The following ZNF831 variants were observed in gnomAD, a reference collection of about 807,000 sequenced individuals.
The protein encoded by ZNF831 is chromosome 20 open reading frame 174.
Under a neutral mutation model 95.8 loss-of-function variants are expected in ZNF831, and 59 were observed. That is an observed-to-expected ratio of 0.62 (90% CI 0.50 to 0.77). ZNF831 has a LOEUF of 0.77. ZNF831 is among the 30% of genes least tolerant of loss of function. The pLI, the probability that ZNF831 is intolerant of heterozygous loss-of-function variation, is 0.00. For synonymous variants in ZNF831, 961 were observed against 925.5 expected (o/e 1.04, Z -0.70); for missense variants, 2,205 against 2,164.0 (o/e 1.02, Z -0.38).
At chr20:59,197,190 T>C (rs1212093353) in intron 3 of ZNF831, among the ~76,000 whole-genome samples, 2 of 152,130 alleles carry the variant, frequency 1.3e-5, no homozygotes, top group Non-Finnish European at 2.9e-5. Flanking sequence ...CCTCTTCTCT[T>C]TTGGTTCCCC....
At chr20:59,156,981 G>A (rs570844227) in intron 2 of ZNF831, among the ~76,000 whole-genome samples, 1 of 152,194 alleles carries the variant, frequency 6.6e-6, no homozygotes, top group African/African-American at 2.4e-5. Flanking sequence ...GGGATACGTG[G>A]GATATTTGGA....
intron 1 of ZNF831, among the ~76,000 whole-genome samples, chr20:59,131,221 AC>A (rs1389791676): frequency 6.6e-6 from 1 of 152,128 alleles, no homozygotes; most frequent in Admixed American, 6.5e-5. Flanking sequence ...ATGTTTGAAA[AC>A]AGCTTTGTGG....
chr20:59,174,274 T>C lies in ZNF831; in HGVS notation c.-37+10067T>C, dbSNP rs568042819. ...TGGAAGGCTGCAGATGGATTATCCC[T>C]GATCCAAGGCTGTAGGCTGCACAGG... On this transcript the variant is annotated intron_variant, in intron 1 of 5. Transcript: ENST00000371030. Among the ~76,000 whole-genome samples, 35 of 152,320 alleles carry C rather than the reference T, an allele frequency of 2.3e-4. No individual in the cohort carries two copies. In the East Asian group the frequency reaches 3.5e-3, roughly 15 times the overall value.
chr20:59,233,059 C>CAGACAG (rs754300592), intron 4 of ZNF831, among the ~76,000 whole-genome samples: 21 of 133,058 alleles, frequency 1.6e-4, no homozygotes, highest in African/African-American at 6.4e-4. Flanking sequence ...GAGAGAGAGA[C>CAGACAG]AGACAGAGAC....
chr20:59,163,562 G>A (rs970689528), upstream of ZNF831, among the ~76,000 whole-genome samples: 1 of 152,070 alleles, frequency 6.6e-6, no homozygotes, highest in African/African-American at 2.4e-5. Flanking sequence ...CCAGGAAAAC[G>A]ACCACCTAGG....
rs2146587962 is a variant in ZNF831 at position 59,193,706 on chromosome 20, G to A, written c.2687G>A (p.Arg896Lys). The A allele has an allele frequency of 6.2e-7, 1 of 1,612,846 alleles. No homozygotes were observed. Among genetic ancestry groups the A allele is most frequent in the South Asian group, 1.1e-5 (1 of 91,038 alleles). ...SLAAASVALK[R>K]VGPRDKATPL... is the part of the protein sequence containing the mutation. ...GCTGCTGCTTCTGTTGCCCTGAAGAGGGTGGGGCCAAGGGACAAGGCTACC... is the reference window on the plus strand; with the variant it reads ...GCTGCTGCTTCTGTTGCCCTGAAGAAGGTGGGGCCAAGGGACAAGGCTACC... Residue 896 changes from arginine to lysine, a missense_variant, in exon 2 of 6, where the codon AGG (arginine) becomes AAG (lysine). Coordinates refer to ENST00000371030, the MANE Select transcript of ZNF831 (RefSeq NM_178457.3).
chr20:59,218,339 A>G (rs1985839792), intron 4 of ZNF831, among the ~76,000 whole-genome samples: 1 of 152,182 alleles, frequency 6.6e-6, no homozygotes, highest in South Asian at 2.1e-4. Flanking sequence ...TTATTTTGAA[A>G]TGTTGCTACT....
chr20:59,172,796 G>A (rs1438257004), intron 1 of ZNF831, among the ~76,000 whole-genome samples: 1 of 152,158 alleles, frequency 6.6e-6, no homozygotes, highest in African/African-American at 2.4e-5. Flanking sequence ...ATGGCTGGTG[G>A]TGTTTTCTGC....
At position 59,231,432 on chromosome 20, in the gene ZNF831, T is replaced by A. The variant is rs926406248; in HGVS notation, c.4028-21546T>A. Among the ~76,000 whole-genome samples, 3 of 152,226 alleles carry A rather than the reference T, an allele frequency of 2.0e-5. No individual in the cohort carries two copies. In the South Asian group the frequency reaches 6.2e-4, roughly 32 times the overall value. On this transcript the variant is annotated intron_variant, in intron 4 of 5. Transcript: ENST00000371030. ...CACCACTTTCAGGCTAAGATTTCCC[T>A]TATGCTTCAACCATTAGTCTCTCGA...
intron 2 of ZNF831, among the ~76,000 whole-genome samples, chr20:59,148,562 C>T (rs1271134736): frequency 7.3e-6 from 1 of 137,304 alleles, no homozygotes. Context: ...CGCCTGTAGT[C>T]CCAGCTACAC....
chr20:59,142,193 A>C (rs1979704630), intron 1 of ZNF831, among the ~76,000 whole-genome samples: 2 of 152,196 alleles, frequency 1.3e-5, no homozygotes. Context: ...AGTAGTTGGC[A>C]GGGGGAATAG....
chr20:59,149,708 T>C (rs1436779522), intron 2 of ZNF831, among the ~76,000 whole-genome samples: 2 of 152,190 alleles, frequency 1.3e-5, no homozygotes, highest in Non-Finnish European at 2.9e-5. Flanking sequence ...CCAACACATG[T>C]TTCATGCCTG....
intron 4 of ZNF831, among the ~76,000 whole-genome samples, chr20:59,225,123 A>T (rs1214939413): frequency 6.6e-6 from 1 of 152,166 alleles, no homozygotes; most frequent in South Asian, 2.1e-4. Context: ...TTATAGGTTC[A>T]ATGCATGTAT....
intron 3 of ZNF831, among the ~76,000 whole-genome samples, chr20:59,204,984 G>A (rs1002388782): frequency 6.6e-6 from 1 of 152,192 alleles, no homozygotes; most frequent in African/African-American, 2.4e-5. Context: ...GTTCTCGAAG[G>A]CAAAAAGTTT....
intron 4 of ZNF831, among the ~76,000 whole-genome samples, chr20:59,231,789 G>A (rs1480417683): frequency 6.6e-6 from 1 of 152,198 alleles, no homozygotes; most frequent in Non-Finnish European, 1.5e-5. Flanking sequence ...AGGCAGCTAT[G>A]GGTGCTGCAC....
At chr20:59,235,356 G>T (rs8123031) in intron 4 of ZNF831, among the ~76,000 whole-genome samples, 2,870 of 152,232 alleles carry the variant, frequency 0.019, 89 homozygotes, top group African/African-American at 0.065. Context: ...AAAAGTATCT[G>T]GTACCTGCCT....
chr20:59,224,661 T>G (rs766567406), intron 4 of ZNF831, among the ~76,000 whole-genome samples: 35 of 152,212 alleles, frequency 2.3e-4, no homozygotes, highest in Admixed American at 4.6e-4. Context: ...GATTGTTTCT[T>G]AAAATGTTGA....
intron 4 of ZNF831, among the ~76,000 whole-genome samples, chr20:59,209,658 A>T (rs1601401543): frequency 6.6e-6 from 1 of 152,224 alleles, no homozygotes; most frequent in East Asian, 1.9e-4. Flanking sequence ...GGCTTTGAAC[A>T]GTAAAACTGG....
chr20:59,210,962 G>A lies in ZNF831; in HGVS notation c.4027+3906G>A, dbSNP rs1266768138. Among the ~76,000 whole-genome samples, 16 of 84,884 alleles carry A rather than the reference G, an allele frequency of 1.9e-4. 1 individual carries two copies. In the East Asian group the frequency reaches 2.6e-3, roughly 14 times the overall value. 55.7% of individuals were successfully genotyped at this position (84,884 alleles called of 152,430 possible). A position where few individuals can be genotyped will look rare whatever the true frequency, so the allele number is the denominator to read the frequency against. On this transcript the variant is annotated intron_variant, in intron 4 of 5. Coordinates refer to ENST00000371030, the MANE Select transcript of ZNF831 (RefSeq NM_178457.3). ...GCAGGAGAATGGCGTGAACCCGGGA[G>A]GCGGAGCTTGCAGTGAGCCGAGATT...
Sources: allele counts gnomAD v4.1 joint callset (sites outside exome capture counted in the v4.1 genomes callset), GRCh38; gene constraint gnomAD v4.1.1; transcripts MANE v1.5; gene names NCBI Gene and HGNC (gene_info 2026-07-23, HGNC 2026-07-21).